Variants in L3MBTL4 observed in about 807,000 individuals in gnomAD.
L3MBTL4 encodes the protein lethal(3)malignant brain tumor-like protein 4.
In L3MBTL4, 70 loss-of-function variants were observed where a neutral mutation model predicts 84.5. That is an observed-to-expected ratio of 0.83 (90% CI 0.68 to 1.01). The LOEUF (loss-of-function observed/expected upper bound fraction) is 1.01, where lower values mean the gene tolerates loss of function less well. Ranked by LOEUF, L3MBTL4 falls within the 50% of genes least tolerant of loss-of-function variation. The pLI, the probability that L3MBTL4 is intolerant of heterozygous loss-of-function variation, is 0.00. For missense variants in L3MBTL4, 715 were observed against 754.8 expected (o/e 0.95, Z 0.62); for synonymous variants, 274 against 259.8 (o/e 1.05, Z -0.52).
intron 16 of L3MBTL4, chr18:6,029,471 G>T: frequency 1.0e-6 from 1 of 975,480 alleles, no homozygotes; most frequent in Non-Finnish European, 1.2e-6. Context: ...ACAGTGGCAG[G>T]ATTAAATGTA....
At chr18:5,988,852 C>T (rs535466681) in intron 16 of L3MBTL4, among the ~76,000 whole-genome samples, 7 of 152,214 alleles carry the variant, frequency 4.6e-5, no homozygotes, top group African/African-American at 1.7e-4. Flanking sequence ...TTACAAGGTC[C>T]CTGTCACCAG....
intron 12 of L3MBTL4, among the ~76,000 whole-genome samples, chr18:6,207,944 A>C (rs1255963766): frequency 1.3e-5 from 2 of 151,696 alleles, no homozygotes; most frequent in Non-Finnish European, 2.9e-5. Flanking sequence ...ATCTCCGCAA[A>C]GAAAAAAAAA....
At chr18:5,996,332 T>G (rs2053963082) in intron 16 of L3MBTL4, among the ~76,000 whole-genome samples, 1 of 152,220 alleles carries the variant, frequency 6.6e-6, no homozygotes, top group South Asian at 2.1e-4. Flanking sequence ...GAACAGTTTT[T>G]ATATTTCATC....
chr18:6,044,421 A>G (rs1413415493), intron 16 of L3MBTL4, among the ~76,000 whole-genome samples: 1 of 152,118 alleles, frequency 6.6e-6, no homozygotes, highest in African/African-American at 2.4e-5. Flanking sequence ...TTTTTGTCTC[A>G]AACTGGCATG....
chr18:6,203,790 CG>C (rs2045752629), intron 12 of L3MBTL4, among the ~76,000 whole-genome samples: 1 of 152,168 alleles, frequency 6.6e-6, no homozygotes, highest in South Asian at 2.1e-4. Context: ...CCAGATTCTA[CG>C]TTTCTAACCA....
At chr18:6,016,975 A>C (rs1458489137) in intron 16 of L3MBTL4, among the ~76,000 whole-genome samples, 2 of 151,756 alleles carry the variant, frequency 1.3e-5, no homozygotes, top group Non-Finnish European at 2.9e-5. Flanking sequence ...CTCAGGGCAG[A>C]GCTGAGCAGA....
intron 16 of L3MBTL4, among the ~76,000 whole-genome samples, chr18:5,996,428 T>C (rs1483752794): frequency 6.6e-6 from 1 of 152,156 alleles, no homozygotes; most frequent in Non-Finnish European, 1.5e-5. Flanking sequence ...CTGTACGTTT[T>C]TGTTTTTGTT....
chr18:6,289,748 G>A (rs77783245), intron 4 of L3MBTL4, among the ~76,000 whole-genome samples: 3,822 of 152,126 alleles, frequency 0.025, 58 homozygotes, highest in Non-Finnish European at 0.038. Flanking sequence ...AGCTGTTATG[G>A]CCTGACAGTG....
Position 5,960,025 on chromosome 18 carries a change from C to T in L3MBTL4, c.1677+69G>A, listed in dbSNP as rs8087216. The T allele has an allele frequency of 5.6e-4, 142 of 255,260 alleles. 3 individuals are homozygous for T. The highest frequency in any genetic ancestry group is 5.4e-3 in the African/African-American group (115 of 21,296). 15.8% of individuals were successfully genotyped at this position (255,260 alleles called of 1,614,324 possible). On this transcript the variant is annotated intron_variant, in intron 18 of 18. Transcript: ENST00000317931. ...AGAAATACATACATATATATATATA[C>T]ATATATATATATACACACACATATA... is the stretch of plus-strand genomic sequence containing the variant.
At chr18:6,317,576 G>T (rs60504834) in intron 1 of L3MBTL4, among the ~76,000 whole-genome samples, 20,762 of 151,954 alleles carry the variant, frequency 0.14, 1,458 homozygotes, top group African/African-American at 0.16. Flanking sequence ...AAGAAGGAAT[G>T]AACAAACTCT....
chr18:6,143,158 A>T (rs2060247360), intron 13 of L3MBTL4, among the ~76,000 whole-genome samples: 1 of 152,160 alleles, frequency 6.6e-6, no homozygotes, highest in Non-Finnish European at 1.5e-5. Context: ...AATGCTACTT[A>T]ATATTGTTTT....
At chr18:6,263,696 C>A (rs576352786) in intron 5 of L3MBTL4, among the ~76,000 whole-genome samples, 5 of 152,164 alleles carry the variant, frequency 3.3e-5, no homozygotes, top group Admixed American at 6.5e-5. Context: ...GGTAGGGAAC[C>A]TTTCCTACCT....
chr18:6,379,730 T>C (rs970845108), intron 1 of L3MBTL4, among the ~76,000 whole-genome samples: 5 of 152,242 alleles, frequency 3.3e-5, no homozygotes, highest in Non-Finnish European at 5.9e-5. Flanking sequence ...AGTATTTTAT[T>C]GAGGATTTTT....
intron 16 of L3MBTL4, among the ~76,000 whole-genome samples, chr18:6,009,263 G>A (rs575833286): frequency 2.6e-5 from 4 of 152,316 alleles, no homozygotes; most frequent in Admixed American, 2.0e-4. Context: ...GTACAGGTAG[G>A]TGTTAGTAGC....
At chr18:6,412,069 T>C (rs1489432537) in intron 1 of L3MBTL4, among the ~76,000 whole-genome samples, 2 of 152,124 alleles carry the variant, frequency 1.3e-5, no homozygotes, top group Non-Finnish European at 2.9e-5. Flanking sequence ...GGGGGTTTGT[T>C]GTACAGATTA....
chr18:6,121,009 T>A (rs541764096), intron 14 of L3MBTL4, among the ~76,000 whole-genome samples: 1 of 152,236 alleles, frequency 6.6e-6, no homozygotes, highest in Non-Finnish European at 1.5e-5. Context: ...TTTCTTGAAG[T>A]TATTTTTGGC....
intron 1 of L3MBTL4, among the ~76,000 whole-genome samples, chr18:6,335,614 T>C (rs6506380): frequency 0.2 from 31,169 of 152,168 alleles, 4,193 homozygotes; most frequent in African/African-American, 0.39. Flanking sequence ...TTATCTTGAA[T>C]TATAATCCCC....
chr18:6,146,547 C>T (rs1179031867), intron 13 of L3MBTL4, among the ~76,000 whole-genome samples: 2 of 152,132 alleles, frequency 1.3e-5, no homozygotes, highest in South Asian at 2.1e-4. Context: ...GCCAGGCCTG[C>T]GGCAAGAATG....
At chr18:6,172,035 G>T in intron 12 of L3MBTL4, 93 bp from the exon 13 acceptor site, 1 of 594,062 alleles carries the variant, frequency 1.7e-6, no homozygotes, top group Non-Finnish European at 2.9e-6. Flanking sequence ...CTGAAGCTGA[G>T]ATTGAAATTT....
Sources: allele counts gnomAD v4.1 joint callset (sites outside exome capture counted in the v4.1 genomes callset), GRCh38; gene constraint gnomAD v4.1.1; transcripts MANE v1.5; gene names NCBI Gene and HGNC (gene_info 2026-07-23, HGNC 2026-07-21).